The following LMOD1 variants were observed in gnomAD, a reference collection of about 807,000 sequenced individuals.
LMOD1 encodes leiomodin 1, also known as leiomodin-1.
In LMOD1, 8 loss-of-function variants were observed where a neutral mutation model predicts 36.5. The ratio of observed to expected loss-of-function variants is 0.22; its 90% CI spans 0.13 to 0.40. The LOEUF is 0.40. Among genes scored for constraint, LMOD1 ranks in the 10% least tolerant of loss-of-function variants. The pLI, the probability that LMOD1 is intolerant of heterozygous loss-of-function variation, is 1.00. For missense variants in LMOD1, 630 were observed against 751.1 expected, an observed-to-expected ratio of 0.84 and a Z score of 1.88; for synonymous variants, 284 against 288.7, an observed-to-expected ratio of 0.98 and a Z score of 0.17.
intron 1 of LMOD1, among the ~76,000 whole-genome samples, chr1:201,919,669 TGTTA>T (rs776005957): frequency 6.6e-6 from 1 of 152,230 alleles, no homozygotes; most frequent in Non-Finnish European, 1.5e-5. Flanking sequence ...AAAGTTCATC[TGTTA>T]GACTAAGCCT....
At chr1:201,916,368 G>A (rs1286675719) in intron 1 of LMOD1, among the ~76,000 whole-genome samples, 1 of 151,970 alleles carries the variant, frequency 6.6e-6, no homozygotes, top group African/African-American at 2.4e-5. Flanking sequence ...ACAAACATTA[G>A]CCAGGCGTGG....
At chr1:201,936,454 T>C (rs1682020987) in intron 1 of LMOD1, among the ~76,000 whole-genome samples, 2 of 152,158 alleles carry the variant, frequency 1.3e-5, no homozygotes, top group South Asian at 4.1e-4. Context: ...ATCGGAACCC[T>C]GCTTACTTCC....
intron 1 of LMOD1, among the ~76,000 whole-genome samples, chr1:201,937,205 G>A (rs970640825): frequency 1.3e-5 from 2 of 151,818 alleles, no homozygotes; most frequent in Non-Finnish European, 2.9e-5. Flanking sequence ...CCAGCACTTG[G>A]GAGGCCAAGG....
chr1:201,901,607 TATACAC>T (rs1360365615), intron 1 of LMOD1, among the ~76,000 whole-genome samples: 13 of 43,436 alleles, frequency 3.0e-4, no homozygotes, highest in African/African-American at 1.2e-3. Flanking sequence ...TATATATATA[TATACAC>T]ATATATATGT....
At chr1:201,907,829 C>T (rs969135329) in intron 1 of LMOD1, among the ~76,000 whole-genome samples, 2 of 152,174 alleles carry the variant, frequency 1.3e-5, no homozygotes, top group Non-Finnish European at 1.5e-5. Flanking sequence ...CATCCATTCA[C>T]GGCCCCATTC....
intron 1 of LMOD1, among the ~76,000 whole-genome samples, chr1:201,923,975 G>A (rs1681754544): frequency 1.3e-5 from 2 of 148,468 alleles, no homozygotes; most frequent in Admixed American, 6.8e-5. Context: ...AAAAAGGAAA[G>A]AAAAGAAAGA....
rs1250086153 is a variant in LMOD1 at position 201,899,752 on chromosome 1, G to A, written c.1261C>T (p.Arg421Cys). The A allele has an allele frequency of 8.1e-6, 13 of 1,613,928 alleles. No homozygotes were observed. Among genetic ancestry groups the A allele is most frequent in the East Asian group, 2.2e-5 (1 of 44,892 alleles). Residue 421 changes from arginine (R) to cysteine (C), a missense_variant, in exon 2 of 3, where the codon CGC (arginine) becomes TGC (cysteine). Coordinates refer to ENST00000367288, the MANE Select transcript of LMOD1 (RefSeq NM_012134.3). This position sits in a 1 kb window ranked among gnomAD's most constrained non-coding sequence, Gnocchi z 6.3. Reference protein sequence around the residue: ...LLQNNTLTELRFHNQRHICGG... With the variant: ...LLQNNTLTELCFHNQRHICGG... ...CAGATGTGTCGCTGGTTGTGGAAGCGGAGCTCGGTCAGCGTGTTGTTCTGG... is the reference window on the plus strand; with the variant it reads ...CAGATGTGTCGCTGGTTGTGGAAGCAGAGCTCGGTCAGCGTGTTGTTCTGG...
At chr1:201,931,519 C>T (rs991645917) in intron 1 of LMOD1, among the ~76,000 whole-genome samples, 10 of 102,628 alleles carry the variant, frequency 9.7e-5, no homozygotes, top group African/African-American at 3.8e-4. Flanking sequence ...GCCTGGGCGA[C>T]ATAATGAGAC....
At chr1:201,910,432 C>A (rs1408887196) in intron 1 of LMOD1, among the ~76,000 whole-genome samples, 1 of 152,106 alleles carries the variant, frequency 6.6e-6, no homozygotes, top group Non-Finnish European at 1.5e-5. Context: ...CATGACAACA[C>A]CTGACTAATT....
intron 1 of LMOD1, among the ~76,000 whole-genome samples, chr1:201,924,665 A>AAAGAAAG (rs1487505172): frequency 5.4e-5 from 7 of 130,192 alleles, no homozygotes; most frequent in African/African-American, 1.2e-4. Flanking sequence ...AGAAAGAAAA[A>AAAGAAAG]AAAGAAAGAA....
chr1:201,924,243 G>A, intron 1 of LMOD1, among the ~76,000 whole-genome samples: 1 of 150,092 alleles, frequency 6.7e-6, no homozygotes, highest in East Asian at 2.0e-4. Context: ...AGAATGGCGT[G>A]AACCCGGGAG....
intron 1 of LMOD1, among the ~76,000 whole-genome samples, chr1:201,907,041 T>G (rs945595311): frequency 1.3e-5 from 2 of 152,206 alleles, no homozygotes; most frequent in Non-Finnish European, 2.9e-5. Flanking sequence ...TCATTAGACA[T>G]CAAAGATTCA....
chr1:201,918,189 C>T (rs1179369633), intron 1 of LMOD1, among the ~76,000 whole-genome samples: 1 of 152,220 alleles, frequency 6.6e-6, no homozygotes, highest in East Asian at 1.9e-4. Flanking sequence ...GACACTGGGA[C>T]ATCAGCCTTG....
intron 1 of LMOD1, among the ~76,000 whole-genome samples, chr1:201,903,230 G>A (rs898839652): frequency 5.9e-5 from 9 of 152,198 alleles, no homozygotes; most frequent in African/African-American, 1.9e-4. Context: ...CAGCCCCTGG[G>A]TTTTTTTAGC....
At chr1:201,923,938 A>G (rs541087217) in intron 1 of LMOD1, among the ~76,000 whole-genome samples, 1 of 151,624 alleles carries the variant, frequency 6.6e-6, no homozygotes, top group Admixed American at 6.6e-5. Flanking sequence ...AGAGAAAGAA[A>G]GAAAAGGAAA....
intron 1 of LMOD1, among the ~76,000 whole-genome samples, chr1:201,924,717 GA>G (rs148564600): frequency 5.5e-5 from 4 of 72,612 alleles, no homozygotes; most frequent in African/African-American, 1.5e-4. Flanking sequence ...AAGAAAGAAA[GA>G]AAGAAAGAAA....
At chr1:201,901,592 A>G (rs12729533) in intron 1 of LMOD1, among the ~76,000 whole-genome samples, 152 of 9,040 alleles carry the variant, frequency 0.017, 6 homozygotes, top group South Asian at 0.036. Flanking sequence ...ATACATATAT[A>G]TATGTATATA....
chr1:201,925,108 AG>A (rs1312171049), intron 1 of LMOD1, among the ~76,000 whole-genome samples: 1 of 152,006 alleles, frequency 6.6e-6, no homozygotes, highest in Non-Finnish European at 1.5e-5. Flanking sequence ...CCAGCTCATG[AG>A]GCTCAGGCAG....
chr1:201,924,430 A>AAGGG (rs1558240230), intron 1 of LMOD1, among the ~76,000 whole-genome samples: 1 of 85,212 alleles, frequency 1.2e-5, no homozygotes, highest in East Asian at 4.9e-4. Context: ...GAAGGGAAGG[A>AAGGG]AGGAAGGAAG....
Sources: allele counts gnomAD v4.1 joint callset (sites outside exome capture counted in the v4.1 genomes callset), GRCh38; gene constraint gnomAD v4.1.1; non-coding constraint Gnocchi (gnomAD v3.1); transcripts MANE v1.5; gene names NCBI Gene and HGNC (gene_info 2026-07-23, HGNC 2026-07-21).